ZDHHC18: variants seen among roughly 807,000 people sequenced by gnomAD.
ZDHHC18 encodes the protein zDHHC palmitoyltransferase 18.
ZDHHC18 carries 23 observed loss-of-function variants against 37.5 expected under a neutral mutation model. The observed-to-expected ratio is 0.61, with a 90% confidence interval of 0.44 to 0.87. The LOEUF is 0.87. Ranked by LOEUF, ZDHHC18 falls within the 40% of genes least tolerant of loss-of-function variation. ZDHHC18 has a pLI of 0.00. For synonymous variants in ZDHHC18, 185 were observed against 218.7 expected, an observed-to-expected ratio of 0.85 and a Z score of 1.36; for missense variants, 406 against 525.6, an observed-to-expected ratio of 0.77 and a Z score of 2.22.
rs777371610 is a variant in ZDHHC18, at chr1:26,850,347, A to G, written c.693A>G (p.Arg231=). The G allele has an allele frequency of 6.2e-7, 1 of 1,614,164 alleles. No individual in the cohort carries two copies. The highest frequency in any genetic ancestry group is 2.2e-5 in the East Asian group (1 of 44,880). Residue 231 remains arginine, a synonymous_variant, in exon 4 of 8, where the codon AGA becomes AGG. Coordinates refer to ENST00000374142, the MANE Select transcript of ZDHHC18 (RefSeq NM_032283.3). This position sits in a 1 kb window ranked among gnomAD's most constrained non-coding sequence, Gnocchi z 6.1. ...CCTGGGTGGGCAACTGTGTGGGGAG[A>G]CGGAACTATCGCTTCTTCTACGCGT... The part of the protein sequence containing the change: ...HCPWVGNCVG[R]RNYRFFYAFI...
intron 2 of ZDHHC18, among the ~76,000 whole-genome samples, chr1:26,848,003 G>A (rs575051597): frequency 6.6e-6 from 1 of 152,072 alleles, no homozygotes; most frequent in Non-Finnish European, 1.5e-5. Flanking sequence ...ATAGGTCTAG[G>A]CTTGATGAGA....
chr1:26,851,820 G>A (rs1387193419), intron 6 of ZDHHC18, among the ~76,000 whole-genome samples: 1 of 152,220 alleles, frequency 6.6e-6, no homozygotes, highest in African/African-American at 2.4e-5. Flanking sequence ...GGGGGAGACA[G>A]GGCACAGGCC....
intron 2 of ZDHHC18, among the ~76,000 whole-genome samples, chr1:26,839,478 C>T (rs1442869444): frequency 6.6e-6 from 1 of 152,204 alleles, no homozygotes; most frequent in Non-Finnish European, 1.5e-5. Flanking sequence ...TTCCCTGCCA[C>T]CCCCAGGCCT....
intron 6 of ZDHHC18, among the ~76,000 whole-genome samples, chr1:26,852,176 T>A (rs1337801964): frequency 1.3e-5 from 2 of 152,146 alleles, no homozygotes; most frequent in Non-Finnish European, 2.9e-5. Flanking sequence ...TACCAGAGGT[T>A]AAAGAGAAAG....
intron 1 of ZDHHC18, among the ~76,000 whole-genome samples, chr1:26,831,438 C>T (rs2081588522): frequency 1.3e-5 from 2 of 152,144 alleles, no homozygotes; most frequent in South Asian, 4.1e-4. Flanking sequence ...ATATGGAAAG[C>T]AATTGGGAGG....
chr1:26,848,477 G>A, intron 2 of ZDHHC18, 131 bp from the exon 3 acceptor site: 1 of 1,236,454 alleles, frequency 8.1e-7, no homozygotes, highest in South Asian at 1.4e-5. Context: ...TTACTCCAAT[G>A]TTTGTTCCTG....
chr1:26,854,696 C>G lies in ZDHHC18; in HGVS notation c.*853C>G, dbSNP rs1334600043. ...GTATTTTGCACAATTTTATAGACCT[C>G]TTTTCTACATAGTCTTTTTTAAATG... On this transcript the variant is annotated 3_prime_UTR_variant, in exon 8 of 8. Transcript: ENST00000374142. This position sits in a 1 kb window ranked among gnomAD's most constrained non-coding sequence, Gnocchi z 4.6. 6.6e-6 allele frequency: 1 copy of G among 152,662 alleles called. No homozygotes were observed. The highest frequency in any genetic ancestry group is 1.5e-5 in the Non-Finnish European group (1 of 68,044). 9.5% of individuals were successfully genotyped at this position (152,662 alleles called of 1,614,324 possible).
Position 26,848,704 on chromosome 1 carries a change from A to G in ZDHHC18, c.593A>G (p.Lys198Arg). Residue 198 changes from lysine (K) to arginine (R), a missense_variant, in exon 3 of 8, where the codon AAG becomes AGG. Transcript: ENST00000374142. ...MVKLKYCFTC[K>R]MFRPPRTSHC... ...AAGCTGAAGTACTGCTTCACCTGCA[A>G]GATGTTCCGGCCACCCCGAACCTCA... is the stretch of plus-strand genomic sequence containing the variant. The G allele has an allele frequency of 1.2e-6, 2 of 1,614,160 alleles. No homozygotes were observed. Among genetic ancestry groups the G allele is most frequent in the Non-Finnish European group, 1.7e-6 (2 of 1,179,986 alleles).
intron 6 of ZDHHC18, 32 bp from the exon 7 acceptor site, chr1:26,852,721 G>A: frequency 1.3e-6 from 2 of 1,597,102 alleles, no homozygotes; most frequent in Non-Finnish European, 1.7e-6. Context: ...GCAAAAGGAG[G>A]TACTTGACCT....
chr1:26,856,422 C>T lies in ZDHHC18; in HGVS notation c.*2579C>T, dbSNP rs570774497. On this transcript the variant is annotated 3_prime_UTR_variant, in exon 8 of 8. Coordinates refer to ENST00000374142, the MANE Select transcript of ZDHHC18 (RefSeq NM_032283.3). The surrounding 1 kb of genome is among the most constrained non-coding windows in gnomAD (Gnocchi z 5.2). The stretch of plus-strand genomic sequence containing the variant: ...TGGTAGGGTCTCCAGGGACTCCCCG[C>T]TAAGCAGAAGGATCGGGATATAGGG... 3.5e-6 allele frequency: 1 copy of T among 284,966 alleles called. No individual in the cohort carries two copies. The highest frequency in any genetic ancestry group is 2.2e-5 in the African/African-American group (1 of 46,204). The allele number at this position is 284,966 out of a possible 1,614,324, so 17.7% of individuals were successfully genotyped here.
At chr1:26,844,432 T>G (rs1027506667) in intron 2 of ZDHHC18, among the ~76,000 whole-genome samples, 9 of 152,236 alleles carry the variant, frequency 5.9e-5, no homozygotes, top group African/African-American at 1.9e-4. Context: ...GTGAATATAC[T>G]ACTTTTTAAA....
chr1:26,850,014 C>T lies in ZDHHC18; in HGVS notation c.647-287C>T, dbSNP rs2081694067. 6.6e-6 allele frequency among the ~76,000 whole-genome samples: 1 copy of T among 152,152 alleles called. No homozygotes were observed. Among genetic ancestry groups the T allele is most frequent in the South Asian group, 2.1e-4 (1 of 4,824 alleles). Reference sequence around the variant, plus strand: ...AAGTGATGGGGCAGATAACAGGGGCCCCCTCCCCTAGTCTGGGATTGGAAG... The same window carrying T: ...AAGTGATGGGGCAGATAACAGGGGCTCCCTCCCCTAGTCTGGGATTGGAAG... On this transcript the variant is annotated intron_variant, in intron 3 of 7. Transcript: ENST00000374142. The surrounding 1 kb of genome is among the most constrained non-coding windows in gnomAD (Gnocchi z 6.1).
chr1:26,832,614 T>C lies in ZDHHC18; in HGVS notation c.496+7T>C. On this transcript the variant is annotated splice_region_variant and intron_variant, in intron 2 of 7. Coordinates refer to ENST00000374142, the MANE Select transcript of ZDHHC18 (RefSeq NM_032283.3). ...GCCCTGGAGAAACAGATCGGTGAGGTTTCTACTCCCAGCTGAAGCTGGGTC... is the reference window on the plus strand; with the variant it reads ...GCCCTGGAGAAACAGATCGGTGAGGCTTCTACTCCCAGCTGAAGCTGGGTC... 6.2e-7 allele frequency: 1 copy of C among 1,613,078 alleles called. No individual in the cohort carries two copies. The highest frequency in any genetic ancestry group is 1.1e-5 in the South Asian group (1 of 91,072).
chr1:26,844,926 G>GTT, intron 2 of ZDHHC18, among the ~76,000 whole-genome samples: 1 of 141,030 alleles, frequency 7.1e-6, no homozygotes, highest in South Asian at 2.3e-4. Flanking sequence ...TTTTTTTTTG[G>GTT]TTTTTTTTTT....
At chr1:26,832,835 G>T (rs1030334382) in intron 2 of ZDHHC18, among the ~76,000 whole-genome samples, 1 of 152,266 alleles carries the variant, frequency 6.6e-6, no homozygotes, top group Non-Finnish European at 1.5e-5. Context: ...ATGGCAGCCA[G>T]CGTGGAGCTG....
At chr1:26,852,338 T>G (rs1448135291) in intron 6 of ZDHHC18, among the ~76,000 whole-genome samples, 1 of 152,154 alleles carries the variant, frequency 6.6e-6, no homozygotes, top group East Asian at 1.9e-4. Flanking sequence ...ATCTGAGAAT[T>G]AGTATTATTT....
At chr1:26,832,350 G>C in intron 1 of ZDHHC18, 97 bp from the exon 2 acceptor site, 6 of 1,491,646 alleles carry the variant, frequency 4.0e-6, no homozygotes, top group Non-Finnish European at 5.5e-6. Flanking sequence ...GATTTTGGTG[G>C]TGGTTGTTGG....
In ZDHHC18 at chr1:26,850,305, A is replaced by G. The variant is rs1275511316; in HGVS notation, c.651A>G (p.Arg217=). ...TCGCCCCTTGCCCTTGTCCAGAACG[A>G]TTTGACCATCACTGCCCCTGGGTGG... ...HCSVCDNCVE[R]FDHHCPWVGN... is the part of the protein sequence containing the mutation. The change falls in exon 4 of 8, where the codon CGA becomes CGG. Residue 217 remains arginine (R), a synonymous_variant. Coordinates refer to ENST00000374142, the MANE Select transcript of ZDHHC18 (RefSeq NM_032283.3). This position sits in a 1 kb window ranked among gnomAD's most constrained non-coding sequence, Gnocchi z 6.1. The G allele has an allele frequency of 3.1e-6, 5 of 1,614,044 alleles. No homozygotes were observed. The highest frequency in any genetic ancestry group is 3.4e-6 in the Non-Finnish European group (4 of 1,180,022).
chr1:26,842,222 C>G (rs1393564740), intron 2 of ZDHHC18, among the ~76,000 whole-genome samples: 1 of 152,066 alleles, frequency 6.6e-6, no homozygotes, highest in Non-Finnish European at 1.5e-5. Context: ...AGCAATCTTC[C>G]TGCCTCAGCC....
Sources: allele counts gnomAD v4.1 joint callset (sites outside exome capture counted in the v4.1 genomes callset), GRCh38; gene constraint gnomAD v4.1.1; non-coding constraint Gnocchi (gnomAD v3.1); transcripts MANE v1.5; gene names NCBI Gene and HGNC (gene_info 2026-07-23, HGNC 2026-07-21).